The following CADPS2 variants were observed in gnomAD, a reference collection of about 807,000 sequenced individuals.
The protein encoded by CADPS2 is calcium-dependent secretion activator 2.
CADPS2 carries 93 observed loss-of-function variants against 172.5 expected under a neutral mutation model. The ratio of observed to expected loss-of-function variants is 0.54; its 90% CI spans 0.46 to 0.64. The LOEUF (loss-of-function observed/expected upper bound fraction) is 0.64, where lower values mean the gene tolerates loss of function less well. CADPS2 is among the 30% of genes least tolerant of loss of function. CADPS2 has a pLI of 0.00. For synonymous variants in CADPS2, 546 were observed against 555.2 expected (o/e 0.98, Z 0.23); for missense variants, 1,420 against 1,565.9 (o/e 0.91, Z 1.57).
intron 1 of CADPS2, among the ~76,000 whole-genome samples, chr7:122,881,282 CA>C (rs1822861112): frequency 6.6e-6 from 1 of 152,136 alleles, no homozygotes; most frequent in Non-Finnish European, 1.5e-5. Context: ...ATCAAAATCG[CA>C]GCTGATTTCA....
intron 2 of CADPS2, among the ~76,000 whole-genome samples, chr7:122,667,152 G>A (rs2081274788): frequency 1.3e-5 from 2 of 152,138 alleles, no homozygotes; most frequent in Non-Finnish European, 2.9e-5. Flanking sequence ...AAATACTGAA[G>A]AGCTGCAAGA....
chr7:122,592,093 T>C (rs1239047430), intron 6 of CADPS2, among the ~76,000 whole-genome samples: 3 of 151,768 alleles, frequency 2.0e-5, no homozygotes, highest in East Asian at 1.9e-4. Context: ...ACTCATCTGA[T>C]AAAGGGCTAA....
In CADPS2 at chr7:122,433,426, G is replaced by A. The variant is rs1182523623; in HGVS notation, c.2476+4915C>T. ...TTTTGGTTTTTTTTTTTTTTGAGATGGAGTTTTGCTCTTGTTGCCTAGGCT... is the reference window on the plus strand; with the variant it reads ...TTTTGGTTTTTTTTTTTTTTGAGATAGAGTTTTGCTCTTGTTGCCTAGGCT... On this transcript the variant is annotated intron_variant, in intron 17 of 29. Coordinates refer to ENST00000449022, the MANE Select transcript of CADPS2 (RefSeq NM_017954.11). Among the ~76,000 whole-genome samples the A allele has an allele frequency of 3.1e-5, 4 of 130,024 alleles. No homozygotes were observed. In the Admixed American group the frequency reaches 3.4e-4, roughly 11 times the overall value. 85.3% of individuals were successfully genotyped at this position (130,024 alleles called of 152,430 possible).
chr7:122,511,602 C>T (rs903790028), intron 9 of CADPS2, among the ~76,000 whole-genome samples: 1 of 152,136 alleles, frequency 6.6e-6, no homozygotes, highest in African/African-American at 2.4e-5. Context: ...CCTATGCTTG[C>T]TAAGTTAGCT....
chr7:122,419,437 T>G (rs2048300960), intron 17 of CADPS2, among the ~76,000 whole-genome samples: 1 of 152,210 alleles, frequency 6.6e-6, no homozygotes, highest in South Asian at 2.1e-4. Flanking sequence ...AAATAACTTT[T>G]AAGCCTCAAG....
At chr7:122,525,539 C>G (rs560415744) in intron 8 of CADPS2, among the ~76,000 whole-genome samples, 1 of 152,184 alleles carries the variant, frequency 6.6e-6, no homozygotes, top group Non-Finnish European at 1.5e-5. Flanking sequence ...GTTAATCCAG[C>G]TCTGATATCA....
intron 1 of CADPS2, among the ~76,000 whole-genome samples, chr7:122,845,747 G>A (rs1811823624): frequency 6.6e-6 from 1 of 152,260 alleles, no homozygotes; most frequent in African/African-American, 2.4e-5. Flanking sequence ...ACATAGCACA[G>A]GACATGAATT....
intron 13 of CADPS2, among the ~76,000 whole-genome samples, chr7:122,473,164 C>T (rs1323292235): frequency 6.6e-6 from 1 of 152,162 alleles, no homozygotes; most frequent in East Asian, 1.9e-4. Flanking sequence ...CAGTAGTCTA[C>T]TACTGTGCCA....
At chr7:122,381,038 A>G (rs2042936083) in intron 24 of CADPS2, among the ~76,000 whole-genome samples, 1 of 152,126 alleles carries the variant, frequency 6.6e-6, no homozygotes, top group South Asian at 2.1e-4. Context: ...TAATTTTCTG[A>G]GCCAGACAGG....
At chr7:122,653,132 C>A (rs73435768) in intron 3 of CADPS2, among the ~76,000 whole-genome samples, 1 of 152,250 alleles carries the variant, frequency 6.6e-6, no homozygotes, top group African/African-American at 2.4e-5. Flanking sequence ...TCTTGAGTTG[C>A]CAGAGATTGC....
intron 20 of CADPS2, among the ~76,000 whole-genome samples, chr7:122,401,187 A>C (rs895892804): frequency 1.3e-5 from 2 of 152,220 alleles, no homozygotes; most frequent in African/African-American, 4.8e-5. Context: ...GTCTTCGAGA[A>C]TAGGTTTTCA....
chr7:122,705,073 T>G (rs865998181), intron 2 of CADPS2, among the ~76,000 whole-genome samples: 3 of 152,026 alleles, frequency 2.0e-5, no homozygotes, highest in Admixed American at 6.6e-5. Flanking sequence ...AATAAGCTTT[T>G]ATAATTGACA....
intron 1 of CADPS2, among the ~76,000 whole-genome samples, chr7:122,831,804 A>G (rs1296293278): frequency 1.3e-5 from 2 of 152,190 alleles, no homozygotes; most frequent in African/African-American, 4.8e-5. Flanking sequence ...ACTCTCAAAT[A>G]TAACAATGAA....
intron 8 of CADPS2, among the ~76,000 whole-genome samples, chr7:122,546,758 C>T (rs1422054714): frequency 1.3e-5 from 2 of 152,142 alleles, no homozygotes; most frequent in Non-Finnish European, 2.9e-5. Flanking sequence ...GTACTGTCAG[C>T]CCATGCTTTT....
At chr7:122,388,530 T>G (rs1448900266) in intron 23 of CADPS2, 53 bp downstream of exon 23, 14 of 1,508,262 alleles carry the variant, frequency 9.3e-6, no homozygotes, top group Non-Finnish European at 1.3e-5. Context: ...TGATAAAAAG[T>G]GATATTTTTG....
chr7:122,320,303 C>T lies in CADPS2; in HGVS notation c.3753G>A (p.Leu1251=), dbSNP rs1323214867. The T allele has an allele frequency of 6.9e-6, 11 of 1,604,806 alleles. No homozygotes were observed. The highest frequency in any genetic ancestry group is 4.0e-5 in the African/African-American group (3 of 74,542). Residue 1251 remains leucine, a synonymous_variant, in exon 30 of 30, where the codon TTG becomes TTA. Coordinates refer to ENST00000449022, the MANE Select transcript of CADPS2 (RefSeq NM_017954.11). ...TYRDFRLQGV[L]EGTLNSKTYD... ...AAGTCTTACTGTTCAGTGTTCCTTC[C>T]AACACACCCTGCAATCGAAAGTCCC...
chr7:122,688,098 A>G (rs900097595), intron 2 of CADPS2, among the ~76,000 whole-genome samples: 1 of 152,218 alleles, frequency 6.6e-6, no homozygotes, highest in African/African-American at 2.4e-5. Flanking sequence ...CCCAAGCCAG[A>G]AAGCAGGGAG....
At chr7:122,750,479 C>T (rs2138361051) in intron 1 of CADPS2, among the ~76,000 whole-genome samples, 1 of 152,110 alleles carries the variant, frequency 6.6e-6, no homozygotes, top group South Asian at 2.1e-4. Context: ...TTTGGATTGT[C>T]CTGTTTCTAT....
chr7:122,413,439 G>A (rs1026910479), intron 19 of CADPS2, among the ~76,000 whole-genome samples: 1 of 152,156 alleles, frequency 6.6e-6, no homozygotes, highest in Non-Finnish European at 1.5e-5. Flanking sequence ...AAGATCTGAA[G>A]GACATGAAAC....
Sources: allele counts gnomAD v4.1 joint callset (sites outside exome capture counted in the v4.1 genomes callset), GRCh38; gene constraint gnomAD v4.1.1; transcripts MANE v1.5; gene names NCBI Gene and HGNC (gene_info 2026-07-23, HGNC 2026-07-21).